PIK3C2G: variants seen among roughly 807,000 people sequenced by gnomAD.
The protein encoded by PIK3C2G is phosphatidylinositol-4-phosphate 3-kinase catalytic subunit type 2 gamma.
A neutral mutation model predicts 181.1 loss-of-function variants in PIK3C2G; 168 were observed. That is an observed-to-expected ratio of 0.93 (90% CI 0.82 to 1.05). The LOEUF is 1.05. Among genes scored for constraint, PIK3C2G ranks in the 50% least tolerant of loss-of-function variants. The pLI is 0.00. For missense variants in PIK3C2G, 1,869 were observed against 1,732.8 expected, an observed-to-expected ratio of 1.08 and a Z score of -1.40; for synonymous variants, 573 against 592.2, an observed-to-expected ratio of 0.97 and a Z score of 0.47.
At chr12:18,723,604 T>C in the PIK3C2G span, 36 of 1,231,070 alleles carry the variant, frequency 2.9e-5, no homozygotes, top group African/African-American at 4.4e-4. Context: ...AAATGAATAT[T>C]AGAGTATTTA....
At chr12:18,638,649 A>G (rs951103590) in intron 31 of PIK3C2G, among the ~76,000 whole-genome samples, 1 of 152,122 alleles carries the variant, frequency 6.6e-6, no homozygotes, top group Non-Finnish European at 1.5e-5. Context: ...TTTGAGCCAC[A>G]TAACACCCTT....
intron 9 of PIK3C2G, among the ~76,000 whole-genome samples, chr12:18,341,960 T>C (rs1939183639): frequency 6.6e-6 from 1 of 152,124 alleles, no homozygotes; most frequent in Non-Finnish European, 1.5e-5. Flanking sequence ...TTGTACTCTA[T>C]TTTATTCTCT....
intron 16 of PIK3C2G, among the ~76,000 whole-genome samples, chr12:18,406,546 A>G (rs1346346870): frequency 6.6e-6 from 1 of 152,204 alleles, no homozygotes; most frequent in East Asian, 1.9e-4. Context: ...GTGGTCAGAA[A>G]AACATGTTTG....
At chr12:18,626,544 AT>A (rs1168482245) in intron 31 of PIK3C2G, among the ~76,000 whole-genome samples, 8 of 151,938 alleles carry the variant, frequency 5.3e-5, no homozygotes, top group African/African-American at 1.9e-4. Context: ...TAGCTAACAA[AT>A]TTTTCTTTCA....
chr12:18,561,435 C>T (rs1024747215), intron 26 of PIK3C2G, among the ~76,000 whole-genome samples: 2 of 152,118 alleles, frequency 1.3e-5, no homozygotes, highest in African/African-American at 4.8e-5. Context: ...GCTACTATCT[C>T]ACCACTGTAT....
intron 8 of PIK3C2G, among the ~76,000 whole-genome samples, chr12:18,335,199 C>G (rs1476454003): frequency 2.0e-5 from 3 of 152,068 alleles, no homozygotes; most frequent in African/African-American, 7.2e-5. Flanking sequence ...ATTCGAGGAT[C>G]TTAGCTCCAG....
At chr12:18,544,466 A>G (rs923702339) in intron 25 of PIK3C2G, among the ~76,000 whole-genome samples, 4 of 151,858 alleles carry the variant, frequency 2.6e-5, no homozygotes, top group African/African-American at 9.7e-5. Flanking sequence ...TATTCAAGAT[A>G]TCTGGGCAAA....
chr12:18,637,960 G>A (rs535830735), intron 31 of PIK3C2G, among the ~76,000 whole-genome samples: 4 of 152,306 alleles, frequency 2.6e-5, no homozygotes, highest in African/African-American at 9.6e-5. Context: ...TCTCTGCTTA[G>A]TGAGCCCGAA....
intron 9 of PIK3C2G, among the ~76,000 whole-genome samples, chr12:18,340,767 T>C (rs948633727): frequency 2.6e-5 from 4 of 152,166 alleles, no homozygotes; most frequent in Non-Finnish European, 5.9e-5. Context: ...CTTGTGAGTA[T>C]GGGAAACAAT....
chr12:18,548,954 A>C (rs1446506858), intron 26 of PIK3C2G, among the ~76,000 whole-genome samples: 1 of 151,966 alleles, frequency 6.6e-6, no homozygotes, highest in Non-Finnish European at 1.5e-5. Context: ...CATTCTCTCC[A>C]TGTATATTCA....
At chr12:18,260,737 G>C (rs546001882), upstream of PIK3C2G, among the ~76,000 whole-genome samples, 17 of 152,150 alleles carry the variant, frequency 1.1e-4, no homozygotes, top group South Asian at 2.9e-3. Context: ...TTGGAAACAA[G>C]AGTAATCCAA....
Position 18,624,869 on chromosome 12 carries a change from G to C in PIK3C2G, c.4182+15240G>C, listed in dbSNP as rs573404307. 4.9e-4 allele frequency among the ~76,000 whole-genome samples: 75 copies of C among 151,548 alleles called. 1 individual carries two copies. The highest frequency in any genetic ancestry group is 1.7e-3 in the African/African-American group (70 of 41,448). The stretch of plus-strand genomic sequence containing the variant: ...TCTTGTGATCTTTTGTATTCTTTTG[G>C]TGCCAGTTGTAATAGCACTTTTTTA... On this transcript the variant is annotated intron_variant, in intron 31 of 32. Transcript: ENST00000538779.
At chr12:18,400,301 T>C (rs570569794) in intron 16 of PIK3C2G, among the ~76,000 whole-genome samples, 8 of 152,196 alleles carry the variant, frequency 5.3e-5, no homozygotes, top group African/African-American at 1.9e-4. Context: ...TTGCATGTCC[T>C]TGAGATCTTC....
At chr12:18,300,667 C>G (rs1389604026) in intron 5 of PIK3C2G, among the ~76,000 whole-genome samples, 2 of 151,928 alleles carry the variant, frequency 1.3e-5, no homozygotes, top group African/African-American at 4.8e-5. Flanking sequence ...TAATTGTTTT[C>G]TAGTTATGTA....
chr12:18,311,653 A>G (rs1281710981), intron 5 of PIK3C2G, among the ~76,000 whole-genome samples: 1 of 152,092 alleles, frequency 6.6e-6, no homozygotes, highest in Non-Finnish European at 1.5e-5. Flanking sequence ...TGTATCAAAT[A>G]CTACATGAAA....
intron 18 of PIK3C2G, among the ~76,000 whole-genome samples, chr12:18,439,334 A>G (rs1946611818): frequency 6.6e-6 from 1 of 152,198 alleles, no homozygotes. Context: ...TTCAATAGCC[A>G]ACACATATTT....
chr12:18,566,826 T>G (rs1945661887), intron 28 of PIK3C2G, 123 bp from the exon 29 acceptor site: 1 of 670,260 alleles, frequency 1.5e-6, no homozygotes, highest in Non-Finnish European at 2.7e-6. Flanking sequence ...ACGTAGACTA[T>G]GACTTTTTCA....
intron 32 of PIK3C2G, among the ~76,000 whole-genome samples, chr12:18,646,559 A>T (rs1950144886): frequency 6.6e-6 from 1 of 152,180 alleles, no homozygotes; most frequent in Admixed American, 6.6e-5. Flanking sequence ...AAGTACTGGA[A>T]GCTAAATCCA....
intron 18 of PIK3C2G, among the ~76,000 whole-genome samples, chr12:18,454,470 G>A (rs1947523348): frequency 6.6e-6 from 1 of 152,222 alleles, no homozygotes; most frequent in South Asian, 2.1e-4. Flanking sequence ...AGCAATGTAG[G>A]GAAGTGTGAA....
Sources: gnomAD v4.1 joint callset for allele counts (sites outside exome capture counted in the v4.1 genomes callset) on GRCh38, gnomAD v4.1.1 for gene constraint, MANE v1.5 for transcripts, NCBI Gene and HGNC (gene_info 2026-07-23, HGNC 2026-07-21) for gene names.